The following RXRG variants were observed in gnomAD, a reference collection of about 807,000 sequenced individuals.
RXRG encodes retinoid X receptor gamma.
Under a neutral mutation model 49.2 loss-of-function variants are expected in RXRG, and 19 were observed. The observed-to-expected ratio is 0.39, with a 90% confidence interval of 0.27 to 0.57. The LOEUF (loss-of-function observed/expected upper bound fraction) is 0.57. RXRG is among the 20% of genes least tolerant of loss of function. The pLI is 0.64. For missense variants in RXRG, 452 were observed against 592.5 expected, an observed-to-expected ratio of 0.76 and a Z score of 2.46; for synonymous variants, 224 against 216.6, an observed-to-expected ratio of 1.03 and a Z score of -0.30.
In RXRG at chr1:165,444,991, A is replaced by T; in HGVS notation, c.-98T>A. 8.6e-7 allele frequency: 1 copy of T among 1,169,298 alleles called. No individual in the cohort carries two copies. Among genetic ancestry groups the T allele is most frequent in the Non-Finnish European group, 1.3e-6 (1 of 778,836 alleles). 72.4% of individuals were successfully genotyped at this position (1,169,298 alleles called of 1,614,324 possible). ...AGCCCGGCTTTCTTCAACTTGGGCT[A>T]ACAAGAGTGGTCATCGCTTCCTAGC... On this transcript the variant is annotated 5_prime_UTR_variant, in exon 1 of 10. The change abolishes the stop of an existing upstream ORF in the 5' untranslated region. Transcript: ENST00000359842.
chr1:165,423,252 G>C (rs1335772302), intron 2 of RXRG, among the ~76,000 whole-genome samples: 1 of 152,186 alleles, frequency 6.6e-6, no homozygotes, highest in Admixed American at 6.5e-5. Flanking sequence ...CGGCTGTCTT[G>C]TTCCATTAGA....
intron 1 of RXRG, 41 bp from the exon 2 acceptor site, chr1:165,429,007 A>G: frequency 6.3e-7 from 1 of 1,590,978 alleles, no homozygotes; most frequent in Non-Finnish European, 8.5e-7. Flanking sequence ...GTTGGGGAAC[A>G]TGGAAAGGGG....
chr1:165,405,971 T>C (rs1472199873), intron 9 of RXRG, among the ~76,000 whole-genome samples: 1 of 152,236 alleles, frequency 6.6e-6, no homozygotes, highest in Non-Finnish European at 1.5e-5. Context: ...TTAGTGAGCA[T>C]TGGGAGCATG....
rs190949703 is a variant in RXRG, at chr1:165,413,081, G to A, written c.623-1972C>T. Among the ~76,000 whole-genome samples the A allele has an allele frequency of 2.2e-4, 34 of 152,200 alleles. No individual in the cohort carries two copies. In the South Asian group the frequency reaches 2.3e-3, roughly 10 times the overall value. On this transcript the variant is annotated intron_variant, in intron 4 of 9. Transcript: ENST00000359842. The stretch of plus-strand genomic sequence containing the variant: ...TCCTTGGTGTCAGGGAATTTGATTC[G>A]AATTCTGGTTTTGTATGAGCAAACC...
At position 165,417,060 on chromosome 1, in the gene RXRG, G is replaced by A; in HGVS notation, c.603C>T (p.Val201=). ...CQYCRYQKCL[V]MGMKREAVQE... is the part of the protein sequence containing the mutation. Reference sequence around the variant, plus strand: ...TCTCACCTTCCCTCTTCATGCCCATGACAAGGCACTTCTGATAGCGACAGT... The same window carrying A: ...TCTCACCTTCCCTCTTCATGCCCATAACAAGGCACTTCTGATAGCGACAGT... The change falls in exon 4 of 10, where the codon GTC becomes GTT. Residue 201 remains valine (V), a synonymous_variant. Coordinates refer to ENST00000359842, the MANE Select transcript of RXRG (RefSeq NM_006917.5). The A allele has an allele frequency of 1.9e-6, 3 of 1,613,832 alleles. No homozygotes were observed. The highest frequency in any genetic ancestry group is 1.7e-5 in the Admixed American group (1 of 59,996).
At chr1:165,429,344 G>T (rs1008103990) in intron 1 of RXRG, among the ~76,000 whole-genome samples, 1 of 152,178 alleles carries the variant, frequency 6.6e-6, no homozygotes, top group African/African-American at 2.4e-5. Flanking sequence ...ACCTCGATGG[G>T]GAGAGTGAGT....
At chr1:165,440,423 T>TA (rs1267210784) in intron 1 of RXRG, among the ~76,000 whole-genome samples, 1 of 152,184 alleles carries the variant, frequency 6.6e-6, no homozygotes, top group Non-Finnish European at 1.5e-5. Flanking sequence ...GATTTTTTTT[T>TA]ATTTTGGAAT....
intron 4 of RXRG, among the ~76,000 whole-genome samples, chr1:165,415,844 G>T (rs2101717709): frequency 6.6e-6 from 1 of 152,132 alleles, no homozygotes; most frequent in East Asian, 1.9e-4. Flanking sequence ...TCACAACCTG[G>T]CAGGGAAGGA....
intron 2 of RXRG, among the ~76,000 whole-genome samples, chr1:165,428,048 G>A (rs537898462): frequency 1.3e-5 from 2 of 152,268 alleles, no homozygotes; most frequent in African/African-American, 4.8e-5. Context: ...CTACAAGATG[G>A]GAAGGATGAT....
chr1:165,418,870 G>A (rs914960289), intron 3 of RXRG, among the ~76,000 whole-genome samples: 3 of 152,242 alleles, frequency 2.0e-5, no homozygotes, highest in Non-Finnish European at 4.4e-5. Flanking sequence ...CATGATTTGG[G>A]AAATATTTTT....
rs536659837 is a variant in RXRG at position 165,401,502 on chromosome 1, G to A, written c.1245-92C>T. On this transcript the variant is annotated intron_variant, in intron 9 of 9. Transcript: ENST00000359842. ...AGGAGGCCGTCCAATTGGCCTTCTCGACCCATCTGTGATAAAAGAGCTGGA... is the reference window on the plus strand; with the variant it reads ...AGGAGGCCGTCCAATTGGCCTTCTCAACCCATCTGTGATAAAAGAGCTGGA... The A allele has an allele frequency of 1.1e-4, 162 of 1,425,948 alleles. 1 individual carries two copies. The African/African-American group carries it at 1.7e-3, about 15-fold the overall frequency. 88.3% of individuals were successfully genotyped at this position (1,425,948 alleles called of 1,614,324 possible).
chr1:165,429,462 G>T (rs1658604678), intron 1 of RXRG, among the ~76,000 whole-genome samples: 2 of 152,226 alleles, frequency 1.3e-5, no homozygotes, highest in African/African-American at 4.8e-5. Context: ...TTATTAGGGT[G>T]CCAGGTGCTG....
At chr1:165,433,841 A>G (rs1658748821) in intron 1 of RXRG, among the ~76,000 whole-genome samples, 1 of 152,226 alleles carries the variant, frequency 6.6e-6, no homozygotes, top group African/African-American at 2.4e-5. Context: ...ACCATTTGGC[A>G]TTCCAATTAA....
Position 165,444,704 on chromosome 1 carries a change from A to C in RXRG, c.49+141T>G. The C allele has an allele frequency of 1.3e-5, 9 of 714,994 alleles. No individual in the cohort carries two copies. The South Asian group carries it at 1.5e-4, about 12-fold the overall frequency. The allele number at this position is 714,994 out of a possible 1,614,324, so 44.3% of individuals were successfully genotyped here. A position where few individuals can be genotyped will look rare whatever the true frequency, so the allele number is the denominator to read the frequency against. ...ATGCACGCGTGCACACACACGCTGA[A>C]ACGCTATATACACACTATATATGCA... On this transcript the variant is annotated intron_variant, in intron 1 of 9. Coordinates refer to ENST00000359842, the MANE Select transcript of RXRG (RefSeq NM_006917.5).
chr1:165,401,442 G>T, intron 9 of RXRG, 32 bp from the exon 10 acceptor site: 1 of 1,611,804 alleles, frequency 6.2e-7, no homozygotes, highest in South Asian at 1.1e-5. Context: ...TCAGGGACAG[G>T]GACGGGCAGG....
chr1:165,403,949 G>A (rs1475118921), intron 9 of RXRG, among the ~76,000 whole-genome samples: 1 of 152,222 alleles, frequency 6.6e-6, no homozygotes, highest in African/African-American at 2.4e-5. Context: ...GCCTTTGAAG[G>A]TGCCTGCTGT....
At chr1:165,439,528 TA>T (rs1557928207) in intron 1 of RXRG, among the ~76,000 whole-genome samples, 1 of 152,228 alleles carries the variant, frequency 6.6e-6, no homozygotes, top group Non-Finnish European at 1.5e-5. Context: ...ACCCATCAGC[TA>T]ATGCATGCTT....
At position 165,408,319 on chromosome 1, in the gene RXRG, CTG is replaced by C. The variant is rs1468545258; in HGVS notation, c.1047-3_1047-2del. On this transcript the variant is annotated splice_acceptor_variant and splice_polypyrimidine_tract_variant and intron_variant, in intron 7 of 9. Coordinates refer to ENST00000359842, the MANE Select transcript of RXRG (RefSeq NM_006917.5). LOFTEE classifies it high-confidence loss of function. ...TTTGGAAACCAGCTCAGTTAGGACT[CTG>C]TTAACAGGAAACAAGCAGGTAATGA... is the stretch of plus-strand genomic sequence containing the variant. 1.2e-6 allele frequency: 2 copies of C among 1,602,912 alleles called. No individual in the cohort carries two copies. Among genetic ancestry groups the C allele is most frequent in the South Asian group, 1.1e-5 (1 of 90,880 alleles).
chr1:165,437,149 T>C (rs1658840580), intron 1 of RXRG: 1 of 1,367,648 alleles, frequency 7.3e-7, no homozygotes, highest in African/African-American at 1.5e-5. Context: ...GTATCTGTTT[T>C]CACAGCCCTA....
Sources: gnomAD v4.1 joint callset for allele counts (sites outside exome capture counted in the v4.1 genomes callset) on GRCh38, gnomAD v4.1.1 for gene constraint, MANE v1.5 for transcripts, NCBI Gene and HGNC (gene_info 2026-07-23, HGNC 2026-07-21) for gene names.